PLA2G4A: variants seen among roughly 807,000 people sequenced by gnomAD.
PLA2G4A encodes the protein cytosolic phospholipase A2.
A neutral mutation model predicts 81.9 loss-of-function variants in PLA2G4A; 40 were observed. The observed-to-expected ratio is 0.49, with a 90% CI of 0.38 to 0.64. The LOEUF is 0.64. Among genes scored for constraint, PLA2G4A ranks in the 30% least tolerant of loss-of-function variants. The probability of loss-of-function intolerance (pLI) is 0.00; values close to 1 mark genes in which losing one functional copy is unlikely to be tolerated. For missense variants in PLA2G4A, 715 were observed against 905.1 expected, an observed-to-expected ratio of 0.79 and a Z score of 2.69; for synonymous variants, 302 against 296.9, an observed-to-expected ratio of 1.02 and a Z score of -0.18.
intron 3 of PLA2G4A, among the ~76,000 whole-genome samples, chr1:186,882,644 C>T (rs902449619): frequency 4.6e-5 from 7 of 151,952 alleles, no homozygotes; most frequent in African/African-American, 1.7e-4. Context: ...GTCTTTCTCA[C>T]CATATTTAGG....
intron 7 of PLA2G4A, among the ~76,000 whole-genome samples, chr1:186,923,906 C>T (rs1655451243): frequency 6.6e-6 from 1 of 152,178 alleles, no homozygotes; most frequent in East Asian, 1.9e-4. Flanking sequence ...AGACTTGTCT[C>T]CTAATGATAG....
At chr1:186,864,831 G>A (rs1330527104) in intron 2 of PLA2G4A, among the ~76,000 whole-genome samples, 1 of 151,212 alleles carries the variant, frequency 6.6e-6, no homozygotes, top group Non-Finnish European at 1.5e-5. Context: ...GGTGGCTCAT[G>A]CCTGTAATCC....
At chr1:186,988,138 A>C (rs528556166) in intron 17 of PLA2G4A, among the ~76,000 whole-genome samples, 3 of 152,328 alleles carry the variant, frequency 2.0e-5, no homozygotes, top group South Asian at 2.1e-4. Flanking sequence ...AAAATCTAGA[A>C]CATTTCCAGA....
At chr1:186,981,233 C>T (rs554545806) in intron 17 of PLA2G4A, among the ~76,000 whole-genome samples, 211 of 152,212 alleles carry the variant, frequency 1.4e-3, no homozygotes, top group African/African-American at 4.6e-3. Flanking sequence ...ATGGAAAAAA[C>T]AGATTGTAGG....
intron 7 of PLA2G4A, among the ~76,000 whole-genome samples, chr1:186,920,498 G>T (rs1655309517): frequency 2.0e-5 from 3 of 152,318 alleles, no homozygotes; most frequent in South Asian, 4.1e-4. Context: ...CTGACCGTGG[G>T]CTCCTTGGGG....
intron 5 of PLA2G4A, among the ~76,000 whole-genome samples, chr1:186,897,692 A>T (rs909883149): frequency 6.6e-6 from 1 of 151,948 alleles, no homozygotes; most frequent in Non-Finnish European, 1.5e-5. Context: ...TATTTTTAGT[A>T]GAGACGGGGT....
At chr1:186,844,815 T>C (rs1334109313) in intron 1 of PLA2G4A, among the ~76,000 whole-genome samples, 1 of 152,142 alleles carries the variant, frequency 6.6e-6, no homozygotes, top group Admixed American at 6.5e-5. Flanking sequence ...TATATGAAAA[T>C]GTACTTGGTG....
chr1:186,942,804 C>T (rs570184927), intron 10 of PLA2G4A, among the ~76,000 whole-genome samples: 33 of 152,266 alleles, frequency 2.2e-4, no homozygotes, highest in African/African-American at 7.7e-4. Flanking sequence ...CTTCTTTTGA[C>T]ATCTGCTTCA....
intron 16 of PLA2G4A, among the ~76,000 whole-genome samples, chr1:186,978,755 G>T (rs914065376): frequency 6.6e-6 from 1 of 152,142 alleles, no homozygotes; most frequent in Non-Finnish European, 1.5e-5. Flanking sequence ...CTGAGAAAAG[G>T]ACTCAAGTGC....
chr1:186,956,803 C>T (rs952257558), intron 14 of PLA2G4A, among the ~76,000 whole-genome samples: 3 of 151,982 alleles, frequency 2.0e-5, no homozygotes, highest in East Asian at 1.9e-4. Flanking sequence ...TGTGAGTCAC[C>T]GTACCTGGCC....
At chr1:186,853,447 A>C (rs961696595) in intron 1 of PLA2G4A, among the ~76,000 whole-genome samples, 5 of 151,850 alleles carry the variant, frequency 3.3e-5, no homozygotes, top group African/African-American at 1.2e-4. Flanking sequence ...GTTGATGTTT[A>C]AAAAGAAAGA....
chr1:186,975,203 A>G (rs1430938371), intron 15 of PLA2G4A, among the ~76,000 whole-genome samples: 1 of 152,276 alleles, frequency 6.6e-6, no homozygotes, highest in Non-Finnish European at 1.5e-5. Flanking sequence ...ATAGAGGGAA[A>G]AAAAGAAGAG....
chr1:186,952,434 A>G (rs1407961180), intron 13 of PLA2G4A, among the ~76,000 whole-genome samples: 2 of 152,150 alleles, frequency 1.3e-5, no homozygotes, highest in African/African-American at 2.4e-5. Flanking sequence ...GGCTCAAAGC[A>G]AAACTGAGCA....
intron 12 of PLA2G4A, among the ~76,000 whole-genome samples, chr1:186,948,784 G>C (rs893188708): frequency 6.6e-6 from 1 of 152,010 alleles, no homozygotes; most frequent in African/African-American, 2.4e-5. Context: ...TTATTGACTC[G>C]GACTGTGTGT....
chr1:186,915,028 G>C (rs1486857495), intron 7 of PLA2G4A, among the ~76,000 whole-genome samples: 1 of 152,136 alleles, frequency 6.6e-6, no homozygotes, highest in Non-Finnish European at 1.5e-5. Flanking sequence ...GGAGCAGTAA[G>C]CAGGTTCCTA....
At chr1:186,901,518 A>G (rs1654540481) in intron 5 of PLA2G4A, among the ~76,000 whole-genome samples, 1 of 152,124 alleles carries the variant, frequency 6.6e-6, no homozygotes, top group South Asian at 2.1e-4. Flanking sequence ...AGGTGCTATA[A>G]ACCTGGGAAG....
intron 8 of PLA2G4A, among the ~76,000 whole-genome samples, chr1:186,933,218 A>C (rs1655817226): frequency 1.3e-5 from 2 of 152,202 alleles, no homozygotes; most frequent in Non-Finnish European, 2.9e-5. Context: ...ACCCATAATT[A>C]ATTTAATCTT....
At chr1:186,854,455 G>A in intron 2 of PLA2G4A, 68 bp downstream of exon 2, 2 of 1,000,078 alleles carry the variant, frequency 2.0e-6, no homozygotes, top group Non-Finnish European at 3.2e-6. Context: ...AATATTGCGG[G>A]TGTTGCTAGT....
At chr1:186,909,381 C>T (rs189737978) in intron 6 of PLA2G4A, among the ~76,000 whole-genome samples, 2 of 150,974 alleles carry the variant, frequency 1.3e-5, no homozygotes, top group African/African-American at 4.9e-5. Flanking sequence ...GTTCATTTGG[C>T]TGGGCGTGGT....
Sources: allele counts gnomAD v4.1 joint callset (sites outside exome capture counted in the v4.1 genomes callset), GRCh38; gene constraint gnomAD v4.1.1; transcripts MANE v1.5; gene names NCBI Gene and HGNC (gene_info 2026-07-23, HGNC 2026-07-21).